The following CNIH3 variants were observed in gnomAD, a reference collection of about 807,000 sequenced individuals.
CNIH3 encodes the protein cornichon family AMPA receptor auxiliary protein 3.
A neutral mutation model predicts 24.1 loss-of-function variants in CNIH3; 14 were observed. The ratio of observed to expected loss-of-function variants is 0.58; its 90% CI spans 0.38 to 0.91. The LOEUF (loss-of-function observed/expected upper bound fraction) is 0.91. Ranked by LOEUF, CNIH3 falls within the 40% of genes least tolerant of loss-of-function variation. The pLI, the probability that CNIH3 is intolerant of heterozygous loss-of-function variation, is 0.00. For missense variants in CNIH3, 178 were observed against 196.8 expected, an observed-to-expected ratio of 0.90 and a Z score of 0.57; for synonymous variants, 68 against 73.8, an observed-to-expected ratio of 0.92 and a Z score of 0.40.
chr1:224,670,723 A>G (rs781294574), intron 1 of CNIH3, among the ~76,000 whole-genome samples: 1 of 152,192 alleles, frequency 6.6e-6, no homozygotes, highest in Non-Finnish European at 1.5e-5. Flanking sequence ...CTTCTCACAC[A>G]TGAAAGGGAC....
intron 3 of CNIH3, among the ~76,000 whole-genome samples, chr1:224,716,273 C>G (rs1015102002): frequency 1.3e-5 from 2 of 152,224 alleles, no homozygotes; most frequent in African/African-American, 4.8e-5. Flanking sequence ...GAATCCCAGA[C>G]TCCAAACTCT....
rs534999853 is a variant in CNIH3, at chr1:224,452,522, C to T, written n.203+17660C>T. On this transcript the variant is annotated intron_variant and non_coding_transcript_variant, in intron 1 of 5. Transcript: ENST00000471578. ...GTTGGCCGGGCACGGTGGCTCACAC[C>T]TGTAATCCCAGCACTTTGGGAGGCC... Among the ~76,000 whole-genome samples the T allele has an allele frequency of 4.6e-5, 7 of 151,978 alleles. No homozygotes were observed. The East Asian group carries it at 1.4e-3, about 30-fold the overall frequency.
At chr1:224,698,166 A>G (rs780574453) in intron 3 of CNIH3, among the ~76,000 whole-genome samples, 1 of 152,198 alleles carries the variant, frequency 6.6e-6, no homozygotes, top group East Asian at 1.9e-4. Context: ...GTTTTGTTTC[A>G]TTAGGATAAG....
At chr1:224,480,287 G>A in intron 1 of CNIH3, among the ~76,000 whole-genome samples, 1 of 152,150 alleles carries the variant, frequency 6.6e-6, no homozygotes, top group South Asian at 2.1e-4. Flanking sequence ...ACGGGACTCT[G>A]GGCCTGGCCC....
intron 1 of CNIH3, among the ~76,000 whole-genome samples, chr1:224,482,987 G>C (rs963385436): frequency 1.1e-4 from 16 of 152,222 alleles, no homozygotes; most frequent in African/African-American, 3.8e-4. Context: ...CCCTGGCTGA[G>C]TTCTGCCCAG....
chr1:224,474,908 GT>G (rs1676514181), intron 1 of CNIH3, among the ~76,000 whole-genome samples: 2 of 151,472 alleles, frequency 1.3e-5, no homozygotes, highest in African/African-American at 4.8e-5. Flanking sequence ...GGTCGTGGCA[GT>G]GGGCGGGCGC....
chr1:224,564,098 G>T lies in CNIH3; in HGVS notation n.451-2101G>T, dbSNP rs144544733. ...GATTTGATAAGTGGCTTCTTGAGCA[G>T]CCACATATTGAAGTGTACTCTCTAC... is the stretch of plus-strand genomic sequence containing the variant. On this transcript the variant is annotated intron_variant and non_coding_transcript_variant, in intron 3 of 5. Transcript: ENST00000471578. Among the ~76,000 whole-genome samples the T allele has an allele frequency of 2.0e-5, 3 of 152,356 alleles. No homozygotes were observed. The East Asian group carries it at 5.8e-4, about 29-fold the overall frequency.
rs531591634 is a variant in CNIH3 at position 224,536,040 on chromosome 1, G to T, written n.344-896G>T. Among the ~76,000 whole-genome samples, 8 of 152,274 alleles carry T rather than the reference G, an allele frequency of 5.3e-5. No individual in the cohort carries two copies. The East Asian group carries it at 1.4e-3, about 26-fold the overall frequency. ...ACCTGTGGATGTAGTTGTAAAAGTC[G>T]GCCTCCCTGGGGTGCAAAGAAGAGT... On this transcript the variant is annotated intron_variant and non_coding_transcript_variant, in intron 2 of 2. Transcript: ENST00000470602.
chr1:224,546,779 C>T (rs777513727), intron 2 of CNIH3: 1 of 452,630 alleles, frequency 2.2e-6, no homozygotes, highest in African/African-American at 2.1e-5. Flanking sequence ...AGAGCCTCAG[C>T]TTTGACAAAT....
At chr1:224,695,419 A>C (rs555939045) in intron 3 of CNIH3, among the ~76,000 whole-genome samples, 44 of 151,928 alleles carry the variant, frequency 2.9e-4, no homozygotes, top group African/African-American at 1.0e-3. Flanking sequence ...GTTTTACTGG[A>C]GAGCCCTAAC....
At chr1:224,452,639 A>G (rs61825772) in intron 1 of CNIH3, among the ~76,000 whole-genome samples, 8 of 151,416 alleles carry the variant, frequency 5.3e-5, no homozygotes, top group East Asian at 4.0e-4. Context: ...AACATTAGCC[A>G]GGTGTGGTGA....
In CNIH3 at chr1:224,477,596, T is replaced by C. The variant is rs78117840; in HGVS notation, n.204-38145T>C. ...TCCTGCATTTTAACTTATTGTTGTT[T>C]ATATTTTATTATACTGTCTATGTCA... is the stretch of plus-strand genomic sequence containing the variant. On this transcript the variant is annotated intron_variant and non_coding_transcript_variant, in intron 1 of 5. Coordinates refer to the CNIH3 transcript ENST00000471578. Among the ~76,000 whole-genome samples, 1,483 of 152,354 alleles carry C rather than the reference T, an allele frequency of 9.7e-3. 11 individuals carry two copies. The highest frequency in any genetic ancestry group is 0.014 in the Non-Finnish European group (929 of 68,032).
intron 1 of CNIH3, among the ~76,000 whole-genome samples, chr1:224,632,896 C>T (rs1043308951): frequency 7.9e-5 from 12 of 152,092 alleles, no homozygotes; most frequent in Non-Finnish European, 1.3e-4. Context: ...GGGCTGGCAG[C>T]GAATGGGGCT....
chr1:224,638,677 C>T (rs1283054325), intron 1 of CNIH3, among the ~76,000 whole-genome samples: 1 of 152,094 alleles, frequency 6.6e-6, no homozygotes. Flanking sequence ...TTTTTAGCTC[C>T]CAAGTGATTA....
chr1:224,687,020 G>T (rs1285992932), intron 3 of CNIH3, among the ~76,000 whole-genome samples: 1 of 152,194 alleles, frequency 6.6e-6, no homozygotes, highest in Admixed American at 6.5e-5. Flanking sequence ...CTTCTGGGAG[G>T]TCAAATGCAG....
intron 3 of CNIH3, among the ~76,000 whole-genome samples, chr1:224,711,785 A>C (rs572003051): frequency 9.4e-6 from 1 of 106,354 alleles, no homozygotes; most frequent in African/African-American, 3.9e-5. Context: ...ACAGAGCCAG[A>C]CCCTGTCTCA....
At chr1:224,469,764 T>G (rs1676292864) in intron 1 of CNIH3, among the ~76,000 whole-genome samples, 1 of 152,188 alleles carries the variant, frequency 6.6e-6, no homozygotes, top group South Asian at 2.1e-4. Context: ...AGGAAAAACA[T>G]CTTACATATT....
At chr1:224,573,591 T>A (rs2125003707) in intron 4 of CNIH3, among the ~76,000 whole-genome samples, 1 of 152,318 alleles carries the variant, frequency 6.6e-6, no homozygotes, top group African/African-American at 2.4e-5. Context: ...TAAGTGGAAC[T>A]AGGTAATAGT....
intron 1 of CNIH3, among the ~76,000 whole-genome samples, chr1:224,663,107 G>A (rs1328043128): frequency 6.6e-6 from 1 of 152,056 alleles, no homozygotes; most frequent in Non-Finnish European, 1.5e-5. Flanking sequence ...TTTTAGATGA[G>A]CAACATACAA....
Sources: gnomAD v4.1 joint callset for allele counts (sites outside exome capture counted in the v4.1 genomes callset) on GRCh38, gnomAD v4.1.1 for gene constraint, MANE v1.5 for transcripts, NCBI Gene and HGNC (gene_info 2026-07-23, HGNC 2026-07-21) for gene names.